WDR70: variants seen among roughly 807,000 people sequenced by gnomAD.
The protein encoded by WDR70 is WD repeat domain 70.
Under a neutral mutation model 88.6 loss-of-function variants are expected in WDR70, and 53 were observed. The observed-to-expected ratio is 0.60, with a 90% confidence interval of 0.48 to 0.75. The LOEUF (loss-of-function observed/expected upper bound fraction) is 0.75. Ranked by LOEUF, WDR70 falls within the 30% of genes least tolerant of loss-of-function variation. The pLI, the probability that WDR70 is intolerant of heterozygous loss-of-function variation, is 0.00. For missense variants in WDR70, 610 were observed against 823.2 expected (o/e 0.74, Z 3.17); for synonymous variants, 280 against 270.0 (o/e 1.04, Z -0.36).
At chr5:37,425,324 C>G (rs1750088552) in intron 5 of WDR70, among the ~76,000 whole-genome samples, 1 of 152,180 alleles carries the variant, frequency 6.6e-6, no homozygotes, top group South Asian at 2.1e-4. Context: ...ACATGTAGAG[C>G]ACGATAACAT....
chr5:37,587,680 A>G (rs140341043), intron 9 of WDR70, among the ~76,000 whole-genome samples: 13 of 151,842 alleles, frequency 8.6e-5, no homozygotes, highest in Non-Finnish European at 1.8e-4. Context: ...TGTGGAAAGT[A>G]TTTAATTTAT....
chr5:37,673,639 A>C (rs1746101705), intron 10 of WDR70, among the ~76,000 whole-genome samples: 1 of 117,956 alleles, frequency 8.5e-6, no homozygotes, highest in Non-Finnish European at 1.6e-5. Flanking sequence ...TCAGGGGTAC[A>C]TGTGCAGGAT....
At position 37,709,244 on chromosome 5, in the gene WDR70, A is replaced by G. The variant is rs143636098; in HGVS notation, c.1416+6157A>G. Among the ~76,000 whole-genome samples the G allele has an allele frequency of 5.3e-4, 80 of 152,324 alleles. 1 individual carries two copies. The highest frequency in any genetic ancestry group is 4.1e-3 in the Admixed American group (62 of 15,300). On this transcript the variant is annotated intron_variant, in intron 13 of 17. Coordinates refer to ENST00000265107, the MANE Select transcript of WDR70 (RefSeq NM_018034.4). ...AGCTTTCCATTATCTGATTTTTATTATGGAGCAATCAGGCAGCTGGTTGAC... is the reference window on the plus strand; with the variant it reads ...AGCTTTCCATTATCTGATTTTTATTGTGGAGCAATCAGGCAGCTGGTTGAC...
chr5:37,542,401 T>G (rs1741852181), intron 9 of WDR70, among the ~76,000 whole-genome samples: 1 of 151,752 alleles, frequency 6.6e-6, no homozygotes, highest in African/African-American at 2.4e-5. Context: ...TGCCTCAGCC[T>G]CCTGAGTAGC....
chr5:37,633,394 A>T (rs185377983), intron 10 of WDR70, among the ~76,000 whole-genome samples: 1 of 152,200 alleles, frequency 6.6e-6, no homozygotes, highest in African/African-American at 2.4e-5. Flanking sequence ...ATATTTTATT[A>T]CCGAGATAGT....
At chr5:37,682,469 TG>T (rs1318795249) in intron 10 of WDR70, among the ~76,000 whole-genome samples, 1 of 152,014 alleles carries the variant, frequency 6.6e-6, no homozygotes, top group African/African-American at 2.4e-5. Flanking sequence ...TTGCTAGCTT[TG>T]GGGTTGCTTT....
intron 10 of WDR70, among the ~76,000 whole-genome samples, chr5:37,632,017 G>A (rs1744832945): frequency 6.6e-6 from 1 of 152,128 alleles, no homozygotes; most frequent in Non-Finnish European, 1.5e-5. Flanking sequence ...AAGTTGGAGA[G>A]GTCAGTTTAG....
intron 5 of WDR70, among the ~76,000 whole-genome samples, chr5:37,421,972 A>G (rs1749960055): frequency 6.6e-6 from 1 of 151,896 alleles, no homozygotes; most frequent in Admixed American, 6.6e-5. Context: ...GTTTCATTAC[A>G]GGGTCCCAGG....
chr5:37,432,973 A>T (rs1211899436), intron 5 of WDR70, among the ~76,000 whole-genome samples: 1 of 151,632 alleles, frequency 6.6e-6, no homozygotes, highest in Non-Finnish European at 1.5e-5. Flanking sequence ...ATTTGCGCAA[A>T]TTTTCTCCCA....
chr5:37,707,717 CCAGCCTGTCCAACATGATGAACCT>C (rs1747368629), intron 13 of WDR70, among the ~76,000 whole-genome samples: 1 of 151,058 alleles, frequency 6.6e-6, no homozygotes, highest in South Asian at 2.1e-4. Flanking sequence ...GAGTTCAAGA[CCAGCCTGTCCAACATGATGAACCT>C]TGTCTCTACT....
intron 17 of WDR70, among the ~76,000 whole-genome samples, chr5:37,750,047 C>T (rs1561105073): frequency 6.6e-6 from 1 of 152,020 alleles, no homozygotes; most frequent in Admixed American, 6.6e-5. Context: ...CAAAATGTAC[C>T]CATTTCAAGT....
chr5:37,448,739 GT>G (rs59753643), intron 7 of WDR70, among the ~76,000 whole-genome samples: 6 of 150,846 alleles, frequency 4.0e-5, no homozygotes, highest in African/African-American at 1.5e-4. Context: ...GGATTTCACT[GT>G]TTTTTTTTCA....
intron 7 of WDR70, among the ~76,000 whole-genome samples, chr5:37,457,537 T>C (rs1362967312): frequency 6.6e-6 from 1 of 152,224 alleles, no homozygotes; most frequent in Admixed American, 6.5e-5. Context: ...CAAATGCATA[T>C]ACCCTCAGAC....
chr5:37,666,068 C>T (rs955035893), intron 10 of WDR70, among the ~76,000 whole-genome samples: 1 of 152,208 alleles, frequency 6.6e-6, no homozygotes, highest in Non-Finnish European at 1.5e-5. Flanking sequence ...CTTTGAAGGT[C>T]GGCTGCCAGT....
intron 9 of WDR70, among the ~76,000 whole-genome samples, chr5:37,587,434 C>A (rs1743393348): frequency 6.6e-6 from 1 of 151,908 alleles, no homozygotes; most frequent in Non-Finnish European, 1.5e-5. Flanking sequence ...ACCCCGACAC[C>A]CGTTTCCATT....
At chr5:37,752,137 G>A (rs1380140158) in intron 17 of WDR70, among the ~76,000 whole-genome samples, 2 of 152,154 alleles carry the variant, frequency 1.3e-5, no homozygotes, top group African/African-American at 2.4e-5. Context: ...GGTGACTGTA[G>A]TTCGTTCTTC....
chr5:37,462,886 C>T (rs1739049648), intron 7 of WDR70, among the ~76,000 whole-genome samples: 1 of 152,020 alleles, frequency 6.6e-6, no homozygotes, highest in South Asian at 2.1e-4. Context: ...CAGGACTCAG[C>T]AAAGTTATAT....
intron 13 of WDR70, among the ~76,000 whole-genome samples, chr5:37,719,359 C>CAA (rs11444230): frequency 5.3e-4 from 78 of 147,836 alleles, no homozygotes; most frequent in African/African-American, 1.9e-3. Flanking sequence ...ACCCCCCCCC[C>CAA]AAAAAATACC....
chr5:37,516,435 A>C, intron 8 of WDR70, 79 bp from the exon 9 acceptor site: 1 of 778,928 alleles, frequency 1.3e-6, no homozygotes, highest in African/African-American at 1.7e-5. Flanking sequence ...TACATTTAAA[A>C]ATGACATGTC....
Sources: gnomAD v4.1 joint callset for allele counts (sites outside exome capture counted in the v4.1 genomes callset) on GRCh38, gnomAD v4.1.1 for gene constraint, MANE v1.5 for transcripts, NCBI Gene and HGNC (gene_info 2026-07-23, HGNC 2026-07-21) for gene names.